The following GRIK2 variants were observed in gnomAD, a reference collection of about 807,000 sequenced individuals.
GRIK2 encodes the protein glutamate ionotropic receptor kainate type subunit 2.
In GRIK2, 32 loss-of-function variants were observed where a neutral mutation model predicts 100.3. That is an observed-to-expected ratio of 0.32 (90% CI 0.24 to 0.43). The LOEUF is 0.43. Among genes scored for constraint, GRIK2 ranks in the 20% least tolerant of loss-of-function variants. GRIK2 has a pLI of 1.00. For synonymous variants in GRIK2, 417 were observed against 389.4 expected, an observed-to-expected ratio of 1.07 and a Z score of -0.83; for missense variants, 843 against 1,114.9, an observed-to-expected ratio of 0.76 and a Z score of 3.47.
At chr6:101,448,126 C>A (rs1323401551) in intron 2 of GRIK2, among the ~76,000 whole-genome samples, 1 of 151,658 alleles carries the variant, frequency 6.6e-6, no homozygotes, top group African/African-American at 2.4e-5. Context: ...TAGAGTTAGT[C>A]TACCTAACAC....
chr6:101,629,750 T>C (rs111919925), intron 4 of GRIK2, among the ~76,000 whole-genome samples: 12 of 152,196 alleles, frequency 7.9e-5, no homozygotes, highest in African/African-American at 2.9e-4. Context: ...AGGGAGTGCA[T>C]GTGCAGGTTT....
chr6:101,689,534 G>C (rs150384026), intron 7 of GRIK2, among the ~76,000 whole-genome samples: 1 of 151,982 alleles, frequency 6.6e-6, no homozygotes, highest in African/African-American at 2.4e-5. Flanking sequence ...AAACCACTTC[G>C]CTTGCCATTG....
At chr6:101,916,254 A>G (rs1386057866) in intron 12 of GRIK2, among the ~76,000 whole-genome samples, 1 of 151,470 alleles carries the variant, frequency 6.6e-6, no homozygotes, top group African/African-American at 2.4e-5. Flanking sequence ...TTTAATAGAA[A>G]TTAGTTAATA....
At chr6:101,607,261 G>T (rs190384522) in intron 2 of GRIK2, among the ~76,000 whole-genome samples, 1 of 152,038 alleles carries the variant, frequency 6.6e-6, no homozygotes, top group Non-Finnish European at 1.5e-5. Context: ...AGCGTTATAT[G>T]GGTTCATTTT....
chr6:101,665,702 G>A (rs1201995344), intron 4 of GRIK2, among the ~76,000 whole-genome samples: 1 of 152,214 alleles, frequency 6.6e-6, no homozygotes, highest in Non-Finnish European at 1.5e-5. Flanking sequence ...GAGAGACTAT[G>A]TTAGTTTAGT....
chr6:101,396,064 A>T (rs1015499455), intron 1 of GRIK2, among the ~76,000 whole-genome samples: 3 of 152,200 alleles, frequency 2.0e-5, no homozygotes, highest in African/African-American at 7.2e-5. Flanking sequence ...AAAGGGTTAA[A>T]TCTAGTCAGT....
At chr6:101,796,563 C>T (rs1390453827) in intron 7 of GRIK2, among the ~76,000 whole-genome samples, 1 of 151,946 alleles carries the variant, frequency 6.6e-6, no homozygotes, top group Non-Finnish European at 1.5e-5. Context: ...AAAATTAAAA[C>T]CAAAAAGTAC....
intron 11 of GRIK2, among the ~76,000 whole-genome samples, chr6:101,887,394 T>C (rs1303684733): frequency 1.3e-5 from 2 of 152,164 alleles, no homozygotes; most frequent in African/African-American, 4.8e-5. Flanking sequence ...AATTTTGCTT[T>C]TCATGTGCCT....
At chr6:101,457,349 T>A (rs1250844077) in intron 2 of GRIK2, among the ~76,000 whole-genome samples, 1 of 152,160 alleles carries the variant, frequency 6.6e-6, no homozygotes, top group African/African-American at 2.4e-5. Flanking sequence ...AAGCTTGTTA[T>A]CTTTCATGTG....
At chr6:101,541,248 C>A (rs1184731893) in intron 2 of GRIK2, among the ~76,000 whole-genome samples, 1 of 151,920 alleles carries the variant, frequency 6.6e-6, no homozygotes, top group African/African-American at 2.4e-5. Flanking sequence ...ACTATGACTT[C>A]CAGACCCACC....
At chr6:101,799,915 T>G (rs1221498002) in intron 8 of GRIK2, 124 bp downstream of exon 8, 2 of 719,760 alleles carry the variant, frequency 2.8e-6, no homozygotes, top group Admixed American at 5.7e-5. Context: ...TCTCTCTTAC[T>G]CCAAATAAGC....
intron 7 of GRIK2, among the ~76,000 whole-genome samples, chr6:101,767,488 G>A (rs1222756189): frequency 5.9e-5 from 9 of 151,986 alleles, no homozygotes; most frequent in Admixed American, 5.9e-4. Flanking sequence ...CCTAAATAAT[G>A]TACATTTTAA....
In GRIK2 at chr6:101,482,423, C is replaced by T. The variant is rs1383695957; in HGVS notation, c.115+83031C>T. Among the ~76,000 whole-genome samples the T allele has an allele frequency of 2.6e-5, 4 of 152,044 alleles. No homozygotes were observed. In the East Asian group the frequency reaches 7.7e-4, roughly 29 times the overall value. On this transcript the variant is annotated intron_variant, in intron 2 of 16. Transcript: ENST00000369134. ...GCAAAAGATGGGGATCCACACTGGG[C>T]AGTTTGGCTTTCCCAGAGAAGGTTA...
intron 2 of GRIK2, among the ~76,000 whole-genome samples, chr6:101,613,232 C>A (rs1304753285): frequency 6.6e-6 from 1 of 151,628 alleles, no homozygotes; most frequent in African/African-American, 2.4e-5. Flanking sequence ...TTAAGAAGAC[C>A]ATTACCTAGT....
At chr6:101,954,313 A>G (rs1791779891) in intron 14 of GRIK2, among the ~76,000 whole-genome samples, 1 of 152,158 alleles carries the variant, frequency 6.6e-6, no homozygotes, top group Non-Finnish European at 1.5e-5. Flanking sequence ...AAGTATTGTT[A>G]TCTTAACAAT....
At chr6:101,861,710 T>G (rs1260658815) in intron 11 of GRIK2, among the ~76,000 whole-genome samples, 1 of 152,086 alleles carries the variant, frequency 6.6e-6, no homozygotes, top group Non-Finnish European at 1.5e-5. Flanking sequence ...AATCAAAACA[T>G]TTTTGGACCT....
At chr6:101,465,760 C>T (rs777216097) in intron 2 of GRIK2, among the ~76,000 whole-genome samples, 11 of 152,094 alleles carry the variant, frequency 7.2e-5, no homozygotes, top group African/African-American at 1.9e-4. Flanking sequence ...ACACATCAAG[C>T]GGGACACCGA....
In GRIK2 at chr6:101,626,781, C is replaced by T. The variant is rs948773684; in HGVS notation, c.541+144C>T. 1.4e-5 allele frequency: 9 copies of T among 643,502 alleles called. No individual in the cohort carries two copies. The Admixed American group carries it at 2.7e-4, about 20-fold the overall frequency. 39.9% of individuals were successfully genotyped at this position (643,502 alleles called of 1,614,324 possible). A position where few individuals can be genotyped will look rare whatever the true frequency, so the allele number is the denominator to read the frequency against. ...AGGGGTAGAAAGACAGAATCAAACA[C>T]CAATCCTAATTTCACATATCCAAAC... On this transcript the variant is annotated intron_variant, in intron 4 of 16. Coordinates refer to ENST00000369134, the MANE Select transcript of GRIK2 (RefSeq NM_021956.5).
intron 2 of GRIK2, among the ~76,000 whole-genome samples, chr6:101,532,893 A>G (rs1775512592): frequency 2.0e-5 from 3 of 151,864 alleles, no homozygotes; most frequent in Admixed American, 6.6e-5. Flanking sequence ...ACACATTTTT[A>G]TATCTTTAGT....
Sources: allele counts gnomAD v4.1 joint callset (sites outside exome capture counted in the v4.1 genomes callset), GRCh38; gene constraint gnomAD v4.1.1; transcripts MANE v1.5; gene names NCBI Gene and HGNC (gene_info 2026-07-23, HGNC 2026-07-21).